The following GFAP variants were observed in gnomAD, a reference collection of about 807,000 sequenced individuals.
The protein encoded by GFAP is glial fibrillary acidic protein.
Under a neutral mutation model 49.3 loss-of-function variants are expected in GFAP, and 38 were observed. That is an observed-to-expected ratio of 0.77 (90% confidence interval 0.60 to 1.01). The LOEUF (loss-of-function observed/expected upper bound fraction) is 1.01. GFAP is among the 50% of genes least tolerant of loss of function. The pLI is 0.00. For missense variants in GFAP, 463 were observed against 579.1 expected (o/e 0.80, Z 2.06); for synonymous variants, 222 against 236.4 (o/e 0.94, Z 0.56).
In GFAP at chr17:44,913,261, A is replaced by G. The variant is rs936295925; in HGVS notation, c.780+8T>C. The stretch of plus-strand genomic sequence containing the variant: ...GGAGGAGGCAGGCTGGCCCACAGGC[A>G]GGGCTACCTTGGAGCGGTACCACTC... On this transcript the variant is annotated splice_region_variant and intron_variant, in intron 4 of 8. Coordinates refer to ENST00000588735, the MANE Select transcript of GFAP (RefSeq NM_002055.5). 25 of 1,613,866 alleles carry G rather than the reference A, an allele frequency of 1.5e-5. No individual in the cohort carries two copies. The highest frequency in any genetic ancestry group is 2.0e-5 in the Non-Finnish European group (24 of 1,179,876).
At position 44,903,442 on chromosome 17, in the gene GFAP, AC is replaced by A; in HGVS notation, c.*3904del. ...CCCCAGGTTGATGAAAGACTTTTCC[AC>A]CAGGCTGGCAGGGCAGGGCCTGGAG... is the stretch of plus-strand genomic sequence containing the variant. On this transcript the variant is annotated 3_prime_UTR_variant, in exon 9 of 9. Coordinates refer to ENST00000588735, the MANE Select transcript of GFAP (RefSeq NM_002055.5). The A allele has an allele frequency of 1.6e-6, 2 of 1,251,784 alleles. No homozygotes were observed. The highest frequency in any genetic ancestry group is 2.0e-6 in the Non-Finnish European group (2 of 999,810). 77.5% of individuals were successfully genotyped at this position (1,251,784 alleles called of 1,614,324 possible).
In GFAP at chr17:44,905,414, C is replaced by T. The variant is rs1028205140; in HGVS notation, c.*1933G>A. On this transcript the variant is annotated 3_prime_UTR_variant, in exon 9 of 9. Coordinates refer to ENST00000588735, the MANE Select transcript of GFAP (RefSeq NM_002055.5). ...TGTTTGAGCTGCTTTGCTTTCTTGC[C>T]TATGAAGATTGTGCTGGTTGAGTTG... The T allele has an allele frequency of 5.1e-5, 12 of 236,194 alleles. No homozygotes were observed. The highest frequency in any genetic ancestry group is 1.1e-4 in the Non-Finnish European group (12 of 112,116). 14.6% of individuals were successfully genotyped at this position (236,194 alleles called of 1,614,324 possible).
At position 44,904,015 on chromosome 17, in the gene GFAP, T is replaced by C; in HGVS notation, c.*3332A>G. 6.4e-7 allele frequency: 1 copy of C among 1,550,658 alleles called. No homozygotes were observed. The highest frequency in any genetic ancestry group is 8.7e-7 in the Non-Finnish European group (1 of 1,147,014). Reference sequence around the variant, plus strand: ...ACTGCAAACCCGAAGAGGTGCCAGCTGTAGTCTGGTTCTACCAAAAGCACC... The same window carrying C: ...ACTGCAAACCCGAAGAGGTGCCAGCCGTAGTCTGGTTCTACCAAAAGCACC... On this transcript the variant is annotated 3_prime_UTR_variant, in exon 9 of 9. Transcript: ENST00000588735.
At position 44,915,112 on chromosome 17, in the gene GFAP, C is replaced by A. The variant is rs1597864086; in HGVS notation, c.375G>T (p.Leu125=). The A allele has an allele frequency of 1.9e-6, 3 of 1,613,834 alleles. No homozygotes were observed. Among genetic ancestry groups the A allele is most frequent in the African/African-American group, 1.3e-5 (1 of 74,948 alleles). ...TGTTGGCGGTGAGTTGATCGAGCCG[C>A]AGCCGCAGCTCTCGCAGCTCAGCCT... ...VYQAELRELR[L]RLDQLTANSA... Residue 125 remains leucine, a synonymous_variant, in exon 1 of 9, where the codon CTG becomes CTT. Coordinates refer to ENST00000588735, the MANE Select transcript of GFAP (RefSeq NM_002055.5). The surrounding 1 kb of genome is among the most constrained non-coding windows in gnomAD (Gnocchi z 4.1).
rs2145619630 is a variant in GFAP at position 44,904,508 on chromosome 17, G to T, written c.*2839C>A. On this transcript the variant is annotated 3_prime_UTR_variant, in exon 9 of 9. Coordinates refer to ENST00000588735, the MANE Select transcript of GFAP (RefSeq NM_002055.5). ...TGTGCCAAGGAAGCTGCGGACCAAG[G>T]CCAGGGACCACACGCCTGAGGTGCT... The T allele has an allele frequency of 6.5e-7, 1 of 1,550,040 alleles. No homozygotes were observed. The highest frequency in any genetic ancestry group is 2.0e-5 in the Admixed American group (1 of 50,972).
chr17:44,909,131 A>G (rs191951421), intron 7 of GFAP: 3 of 152,026 alleles, frequency 2.0e-5, no homozygotes, highest in African/African-American at 4.9e-5. Flanking sequence ...AGGAAGGAAG[A>G]AAAGAAGGAA....
chr17:44,904,632 GGGTGCCCCA>G lies in GFAP; in HGVS notation c.*2706_*2714del, dbSNP rs1264238509. ...GTGTCCAAAGTGGGCAGCCGGCCCT[GGGTGCCCCA>G]GGTGCCCATTCAGTTCCACCAGCAG... On this transcript the variant is annotated 3_prime_UTR_variant, in exon 9 of 9. Coordinates refer to ENST00000588735, the MANE Select transcript of GFAP (RefSeq NM_002055.5). 6.4e-7 allele frequency: 1 copy of G among 1,550,574 alleles called. No individual in the cohort carries two copies.
In GFAP at chr17:44,909,880, C is replaced by T. The variant is rs1411300406; in HGVS notation, c.1171+735G>A. ...GAGGTGAGACAGAGGCTGCTGCTTGCTCAGAGGCCCCAGAGCAGCTCCACT... is the reference window on the plus strand; with the variant it reads ...GAGGTGAGACAGAGGCTGCTGCTTGTTCAGAGGCCCCAGAGCAGCTCCACT... On this transcript the variant is annotated intron_variant, in intron 7 of 8. Coordinates refer to ENST00000588735, the MANE Select transcript of GFAP (RefSeq NM_002055.5). The T allele has an allele frequency of 2.3e-6, 3 of 1,318,496 alleles. No individual in the cohort carries two copies. In the African/African-American group the frequency reaches 4.4e-5, roughly 20 times the overall value. The allele number at this position is 1,318,496 out of a possible 1,614,324, so 81.7% of individuals were successfully genotyped here.
chr17:44,910,990 A>G, intron 6 of GFAP: 1 of 608,300 alleles, frequency 1.6e-6, no homozygotes. Context: ...TATGCCTCTT[A>G]GTTTGGAGGG....
intron 8 of GFAP, chr17:44,907,773 C>A (rs544016221): frequency 1.8e-6 from 1 of 565,362 alleles, no homozygotes; most frequent in African/African-American, 1.9e-5. Flanking sequence ...CTTTAATTCT[C>A]TTTCTCTCCC....
At position 44,904,467 on chromosome 17, in the gene GFAP, C is replaced by CT; in HGVS notation, c.*2879dup. On this transcript the variant is annotated 3_prime_UTR_variant, in exon 9 of 9. Transcript: ENST00000588735. ...CTCAAGGCCGTGCCCGATGTGGTGT[C>CT]TTGTGGCTCAAGGGCTGTGCCAAGG... 6.5e-7 allele frequency: 1 copy of CT among 1,545,776 alleles called. No individual in the cohort carries two copies. The highest frequency in any genetic ancestry group is 8.7e-7 in the Non-Finnish European group (1 of 1,143,626).
intron 7 of GFAP, chr17:44,910,192 C>G (rs749236721): frequency 2.7e-5 from 44 of 1,613,828 alleles, no homozygotes; most frequent in South Asian, 3.3e-5. Context: ...ATTGGTATAA[C>G]TCGTATTGTG....
chr17:44,914,034 A>G lies in GFAP; in HGVS notation c.516T>C (p.Tyr172=), dbSNP rs143583428. ...TCCCCTCCACCTCCCTGACCTGTCT[A>G]TAGGCAGCCAGGTTGTTCTCGGCTT... is the stretch of plus-strand genomic sequence containing the variant. ...RLEAENNLAA[Y]RQEADEATLA... The change falls in exon 2 of 9, where the codon TAT becomes TAC. Residue 172 remains tyrosine (Y), a synonymous_variant. Transcript: ENST00000588735. The G allele has an allele frequency of 2.9e-5, 45 of 1,555,684 alleles. No individual in the cohort carries two copies. Among genetic ancestry groups the G allele is most frequent in the Non-Finnish European group, 3.5e-5 (40 of 1,147,886 alleles).
chr17:44,913,493 C>T (rs1567776329), intron 3 of GFAP, 63 bp from the exon 4 acceptor site: 9 of 1,553,074 alleles, frequency 5.8e-6, no homozygotes, highest in South Asian at 2.2e-5. Context: ...GGGTTCCCCA[C>T]GCCATTGTGT....
chr17:44,908,462 G>A lies in GFAP; in HGVS notation c.1172-313C>T, dbSNP rs187833658. On this transcript the variant is annotated intron_variant, in intron 7 of 8. Transcript: ENST00000588735. ...TCAGGAGACCAGGAGGGGTGCGGTG[G>A]CTCACACCTATAATGCCATCATTTT... 843 of 251,812 alleles carry A rather than the reference G, an allele frequency of 3.3e-3. 7 individuals carry two copies. The highest frequency in any genetic ancestry group is 7.4e-3 in the Admixed American group (141 of 19,160). The allele number at this position is 251,812 out of a possible 1,614,324, so 15.6% of individuals were successfully genotyped here.
Position 44,904,601 on chromosome 17 carries a change from A to T in GFAP, c.*2746T>A. On this transcript the variant is annotated 3_prime_UTR_variant, in exon 9 of 9. Coordinates refer to ENST00000588735, the MANE Select transcript of GFAP (RefSeq NM_002055.5). ...CCGGGAGGGCGTGCTGGCCATCATT[A>T]ACTATGTGTCCAAAGTGGGCAGCCG... is the stretch of plus-strand genomic sequence containing the variant. 1 of 1,550,590 alleles carries T rather than the reference A, an allele frequency of 6.4e-7. No homozygotes were observed. Among genetic ancestry groups the T allele is most frequent in the African/African-American group, 1.4e-5 (1 of 73,166 alleles).
At position 44,911,410 on chromosome 17, in the gene GFAP, A is replaced by C. The variant is rs778466105; in HGVS notation, c.953T>G (p.Val318Gly). 1 of 1,612,890 alleles carries C rather than the reference A, an allele frequency of 6.2e-7. No individual in the cohort carries two copies. The highest frequency in any genetic ancestry group is 1.3e-5 in the African/African-American group (1 of 74,888). Residue 318 changes from valine (V) to glycine (G), a missense_variant, in exon 6 of 9, where the codon GTG becomes GGG. Val to Gly is a moderately radical substitution (Grantham distance 109). Around this residue, in one of 3 missense-constraint regions of GFAP, gnomAD observed 362 missense variants for 445.5 expected, o/e 0.81. Transcript: ENST00000588735. The stretch of plus-strand genomic sequence containing the variant: ...CTCCTGATAACTGGCCGCCTCCCGC[A>C]CGTGCCGCTCCTCCTGCTCGCGCAT... ...RQMREQEERHVREAASYQEAL... is the reference protein window; with the variant it reads ...RQMREQEERHGREAASYQEAL...
At chr17:44,910,024 G>A in intron 7 of GFAP, 1 of 1,587,222 alleles carries the variant, frequency 6.3e-7, no homozygotes, top group Non-Finnish European at 8.6e-7. Context: ...CGCAGTCCAG[G>A]CCCTTTAGGG....
At position 44,907,397 on chromosome 17, in the gene GFAP, G is replaced by A. The variant is rs1255765155; in HGVS notation, c.1258-9C>T. ...TTGGACTCCTTAATGACCTGCAGGG[G>A]ACAGGGAACGTGCACAGTGCAACAG... On this transcript the variant is annotated splice_polypyrimidine_tract_variant and intron_variant, in intron 8 of 8. Transcript: ENST00000588735. 2.5e-6 allele frequency: 4 copies of A among 1,605,480 alleles called. No homozygotes were observed. The highest frequency in any genetic ancestry group is 2.6e-6 in the Non-Finnish European group (3 of 1,172,040).
Sources: gnomAD v4.1 joint callset for allele counts on GRCh38, gnomAD v4.1.1 for gene constraint, gnomAD v4.1.1 regional missense constraint, Gnocchi (gnomAD v3.1) non-coding constraint, MANE v1.5 for transcripts, NCBI Gene and HGNC (gene_info 2026-07-23, HGNC 2026-07-21) for gene names.